MTF2: variants seen among roughly 807,000 people sequenced by gnomAD.
MTF2 encodes the protein metal response element binding transcription factor 2, also known as metal-response element-binding transcription factor 2.
A neutral mutation model predicts 79.5 loss-of-function variants in MTF2; 11 were observed. The observed-to-expected ratio is 0.14, with a 90% CI of 0.09 to 0.23. MTF2 has a LOEUF of 0.23. Ranked by LOEUF, MTF2 falls within the 10% of genes least tolerant of loss-of-function variation. The pLI is 1.00. For missense variants in MTF2, 486 were observed against 711.2 expected (o/e 0.68, Z 3.60); for synonymous variants, 208 against 232.8 (o/e 0.89, Z 0.97).
intron 1 of MTF2, 132 bp from the exon 2 acceptor site, chr1:93,110,098 G>T: frequency 1.2e-6 from 1 of 802,450 alleles, no homozygotes; most frequent in South Asian, 1.8e-5. Context: ...TTTATGATTT[G>T]AGGTACTTTT....
chr1:93,110,280 G>A lies in MTF2; in HGVS notation c.56G>A (p.Arg19His), dbSNP rs778633481. The A allele has an allele frequency of 8.7e-6, 14 of 1,613,908 alleles. No homozygotes were observed. The highest frequency in any genetic ancestry group is 2.2e-5 in the South Asian group (2 of 91,088). The change falls in exon 2 of 15, where the codon CGT becomes CAT. Residue 19 changes from arginine to histidine, a missense_variant. Arg to His is a conservative substitution (Grantham distance 29). Coordinates refer to ENST00000370298, the MANE Select transcript of MTF2 (RefSeq NM_007358.4). ...CTGGTCCACAAGCGGTCTCCTTTACGTCGAAACCAAAAGACCCCAACATCC... is the reference window on the plus strand; with the variant it reads ...CTGGTCCACAAGCGGTCTCCTTTACATCGAAACCAAAAGACCCCAACATCC... ...NSLVHKRSPLRRNQKTPTSLT... is the reference protein window; with the variant it reads ...NSLVHKRSPLHRNQKTPTSLT...
At chr1:93,114,180 A>G (rs75247973) in intron 3 of MTF2, among the ~76,000 whole-genome samples, 1 of 152,194 alleles carries the variant, frequency 6.6e-6, no homozygotes, top group Admixed American at 6.5e-5. Context: ...TTGGTGTTCA[A>G]CCTGTTTAAT....
At chr1:93,117,981 C>T (rs972072578) in intron 6 of MTF2, among the ~76,000 whole-genome samples, 15 of 152,096 alleles carry the variant, frequency 9.9e-5, no homozygotes, top group African/African-American at 3.6e-4. Context: ...CATGGTCATG[C>T]TGCTGCACTC....
chr1:93,119,256 G>T, intron 7 of MTF2, 77 bp from the exon 8 acceptor site: 1 of 963,172 alleles, frequency 1.0e-6, no homozygotes. Context: ...TTATTCACTT[G>T]GTGAATATTA....
chr1:93,134,285 TG>T, intron 14 of MTF2, 90 bp downstream of exon 14: 1 of 935,944 alleles, frequency 1.1e-6, no homozygotes, highest in Non-Finnish European at 1.6e-6. Context: ...TTTTAGCAAT[TG>T]AAAGTGATGT....
At chr1:93,111,687 G>A (rs1397367860) in intron 3 of MTF2, among the ~76,000 whole-genome samples, 1 of 151,992 alleles carries the variant, frequency 6.6e-6, no homozygotes, top group Non-Finnish European at 1.5e-5. Context: ...TAAGTTTAAA[G>A]GACTAAAATT....
chr1:93,134,093 G>A lies in MTF2; in HGVS notation c.1322G>A (p.Arg441Lys), dbSNP rs766456138. ...PTLDLPCSIGRTEGTAHSSNT... is the reference protein window; with the variant it reads ...PTLDLPCSIGKTEGTAHSSNT... ...CAATTTAAATTCTTTTGTCTCAGGA[G>A]AACTGAGGGAACTGCACATTCATCC... is the stretch of plus-strand genomic sequence containing the variant. Residue 441 changes from arginine (R) to lysine (K), a missense_variant and splice_region_variant, in exon 14 of 15, where the codon AGA becomes AAA. Around this residue, in one of 4 missense-constraint regions of MTF2, gnomAD observed 209 missense variants for 206.5 expected, o/e 1.01. Coordinates refer to ENST00000370298, the MANE Select transcript of MTF2 (RefSeq NM_007358.4). 1 of 1,607,568 alleles carries A rather than the reference G, an allele frequency of 6.2e-7. No homozygotes were observed. The highest frequency in any genetic ancestry group is 8.5e-7 in the Non-Finnish European group (1 of 1,176,914).
At chr1:93,084,530 G>A (rs1488832761) in intron 1 of MTF2, among the ~76,000 whole-genome samples, 16 of 152,040 alleles carry the variant, frequency 1.1e-4, no homozygotes. Flanking sequence ...GCAAAAAAAC[G>A]CAGCTGGGAT....
At chr1:93,114,493 A>T (rs1247261228) in intron 3 of MTF2, among the ~76,000 whole-genome samples, 195 bp from the exon 4 acceptor site, 3 of 152,272 alleles carry the variant, frequency 2.0e-5, no homozygotes, top group Admixed American at 6.5e-5. Context: ...TTAAATTATG[A>T]AAGTAGGCAT....
chr1:93,104,968 C>G (rs1655705589), intron 1 of MTF2, among the ~76,000 whole-genome samples: 1 of 151,724 alleles, frequency 6.6e-6, no homozygotes, highest in Non-Finnish European at 1.5e-5. Context: ...CAAGGTGAAA[C>G]CCCGTCTCTA....
chr1:93,120,503 T>C, intron 8 of MTF2, 46 bp from the exon 9 acceptor site: 1 of 1,512,962 alleles, frequency 6.6e-7, no homozygotes, highest in Non-Finnish European at 8.8e-7. Context: ...TTTTTAACAG[T>C]AACCAAAAAC....
intron 1 of MTF2, among the ~76,000 whole-genome samples, chr1:93,105,833 G>A (rs1029373527): frequency 1.3e-5 from 2 of 151,950 alleles, no homozygotes; most frequent in African/African-American, 2.4e-5. Context: ...CAGCCATCAC[G>A]CCCGGCTAAT....
At chr1:93,083,271 T>G (rs575592797) in intron 1 of MTF2, among the ~76,000 whole-genome samples, 1 of 152,126 alleles carries the variant, frequency 6.6e-6, no homozygotes, top group Non-Finnish European at 1.5e-5. Flanking sequence ...TCTAGTCATT[T>G]CCCACCAGGG....
intron 3 of MTF2, among the ~76,000 whole-genome samples, chr1:93,112,525 G>A (rs1269521750): frequency 6.6e-6 from 1 of 152,146 alleles, no homozygotes; most frequent in Non-Finnish European, 1.5e-5. Context: ...CATTGCTGGT[G>A]GCAGTGTAAA....
At chr1:93,087,432 C>T (rs761671403) in intron 1 of MTF2, among the ~76,000 whole-genome samples, 2 of 151,948 alleles carry the variant, frequency 1.3e-5, no homozygotes, top group African/African-American at 2.4e-5. Context: ...ATTAGCCAGG[C>T]GTGGTGGCAC....
intron 5 of MTF2, 68 bp downstream of exon 5, chr1:93,115,156 T>G: frequency 8.4e-7 from 1 of 1,193,058 alleles, no homozygotes; most frequent in Non-Finnish European, 1.2e-6. Context: ...ATAATGATTG[T>G]GTACACTGAA....
At chr1:93,131,925 G>A (rs1317958898) in intron 11 of MTF2, among the ~76,000 whole-genome samples, 2 of 152,188 alleles carry the variant, frequency 1.3e-5, no homozygotes, top group East Asian at 1.9e-4. Flanking sequence ...GAAATTGACC[G>A]AAGTTCTTGC....
At chr1:93,116,235 TA>T (rs952550197) in intron 6 of MTF2, among the ~76,000 whole-genome samples, 2 of 69,970 alleles carry the variant, frequency 2.9e-5, no homozygotes, top group African/African-American at 3.7e-5. Context: ...TTTTAAAAAG[TA>T]TTTTTTTTTT....
intron 1 of MTF2, among the ~76,000 whole-genome samples, chr1:93,092,328 A>G (rs372904668): frequency 3.3e-5 from 5 of 152,250 alleles, no homozygotes; most frequent in African/African-American, 1.2e-4. Flanking sequence ...GTTTGTCTTC[A>G]CTGCTTTTGG....
Sources: allele counts gnomAD v4.1 joint callset (sites outside exome capture counted in the v4.1 genomes callset), GRCh38; gene constraint gnomAD v4.1.1; regional missense constraint gnomAD v4.1.1; transcripts MANE v1.5; gene names NCBI Gene and HGNC (gene_info 2026-07-23, HGNC 2026-07-21).